ADCY2: variants seen among roughly 807,000 people sequenced by gnomAD.
ADCY2 encodes adenylate cyclase 2.
Under a neutral mutation model 125.2 loss-of-function variants are expected in ADCY2, and 31 were observed. The observed-to-expected ratio is 0.25, with a 90% CI of 0.19 to 0.33. The LOEUF is 0.33. Among genes scored for constraint, ADCY2 ranks in the 10% least tolerant of loss-of-function variants. ADCY2 has a pLI of 1.00. For synonymous variants in ADCY2, 512 were observed against 548.4 expected, an observed-to-expected ratio of 0.93 and a Z score of 0.93; for missense variants, 904 against 1,418.2, an observed-to-expected ratio of 0.64 and a Z score of 5.82.
chr5:7,714,822 A>G (rs1487270535), intron 11 of ADCY2, among the ~76,000 whole-genome samples: 1 of 152,158 alleles, frequency 6.6e-6, no homozygotes, highest in Non-Finnish European at 1.5e-5. Context: ...GCCTCATAAT[A>G]CCTGTCTGAG....
chr5:7,524,400 C>T (rs913640917), intron 3 of ADCY2, among the ~76,000 whole-genome samples: 24 of 152,152 alleles, frequency 1.6e-4, no homozygotes, highest in African/African-American at 5.8e-4. Context: ...AAGACACCTG[C>T]AAACACTGGG....
chr5:7,565,825 G>A (rs943620749), intron 3 of ADCY2, among the ~76,000 whole-genome samples: 2 of 152,128 alleles, frequency 1.3e-5, no homozygotes, highest in Non-Finnish European at 2.9e-5. Flanking sequence ...ACGATTAACA[G>A]CCCTTAGAAT....
At chr5:7,793,525 G>C (rs1169335482) in intron 20 of ADCY2, 1 of 152,294 alleles carries the variant, frequency 6.6e-6, no homozygotes, top group African/African-American at 2.4e-5. Context: ...GTGTAAAGCC[G>C]AGTAGTGGGG....
chr5:7,489,207 C>A (rs1743062670), intron 2 of ADCY2, among the ~76,000 whole-genome samples: 1 of 152,172 alleles, frequency 6.6e-6, no homozygotes, highest in African/African-American at 2.4e-5. Flanking sequence ...TCTCTGAGAC[C>A]TGTTAGCAGA....
At position 7,769,060 on chromosome 5, in the gene ADCY2, C is replaced by T. The variant is rs149489032; in HGVS notation, c.2214+2254C>T. On this transcript the variant is annotated intron_variant, in intron 17 of 24. Transcript: ENST00000338316. Reference sequence around the variant, plus strand: ...TGAAGTTGACCAGCAAGCTGAGAAGCATGCCCAGTTCACTGCTGGTGGTGG... The same window carrying T: ...TGAAGTTGACCAGCAAGCTGAGAAGTATGCCCAGTTCACTGCTGGTGGTGG... Among the ~76,000 whole-genome samples the T allele has an allele frequency of 2.5e-3, 380 of 152,316 alleles. 1 individual carries two copies. The highest frequency in any genetic ancestry group is 8.9e-3 in the African/African-American group (371 of 41,584).
rs774906597 is a variant in ADCY2, at chr5:7,626,238, C to T, written c.642C>T (p.Leu214=). 46 of 1,614,130 alleles carry T rather than the reference C, an allele frequency of 2.8e-5. 1 individual carries two copies. The South Asian group carries it at 4.0e-4, about 14-fold the overall frequency. ...AGAYHKHLME[L]ALQQTYQDTC... Reference sequence around the variant, plus strand: ...CCTACCATAAGCACCTCATGGAACTCGCTCTTCAGCAAACATATCAGGACA... The same window carrying T: ...CCTACCATAAGCACCTCATGGAACTTGCTCTTCAGCAAACATATCAGGACA... Residue 214 remains leucine, a synonymous_variant, in exon 4 of 25, where the codon CTC becomes CTT. Transcript: ENST00000338316.
rs55992716 is a variant in ADCY2 at position 7,642,105 on chromosome 5, C to T, written c.720+15789C>T. 1.8e-4 allele frequency among the ~76,000 whole-genome samples: 27 copies of T among 152,254 alleles called. No individual in the cohort carries two copies. In the East Asian group the frequency reaches 4.1e-3, roughly 23 times the overall value. On this transcript the variant is annotated intron_variant, in intron 4 of 24. Transcript: ENST00000338316. The stretch of plus-strand genomic sequence containing the variant: ...AGTTCTTCAGGAAATTTCCACATGG[C>T]CTTCCACAGTGGCTGAACTAATTTA...
Position 7,707,746 on chromosome 5 carries a change from G to A in ADCY2, c.1309G>A (p.Gly437Ser), listed in dbSNP as rs142609557. 1.2e-6 allele frequency: 2 copies of A among 1,613,944 alleles called. No individual in the cohort carries two copies. The highest frequency in any genetic ancestry group is 1.7e-6 in the Non-Finnish European group (2 of 1,179,996). ...TTCTGTCACCCTGGAGCACTTGAAT[G>A]GCGCTTATAAAGTGGAGGAGGGAGA... Reference protein sequence around the residue: ...ISSVTLEHLNGAYKVEEGDGD... With the variant: ...ISSVTLEHLNSAYKVEEGDGD... Residue 437 changes from glycine (G) to serine (S), a missense_variant, in exon 9 of 25, where the codon GGC (glycine) becomes AGC (serine). By Grantham distance (56) the Gly-to-Ser change is moderately conservative. This residue lies in a region of ADCY2 where 144 missense variants were observed against 227.7 expected (regional missense o/e 0.63). Transcript: ENST00000338316.
chr5:7,494,261 G>A (rs889221323), intron 2 of ADCY2, among the ~76,000 whole-genome samples: 20 of 151,990 alleles, frequency 1.3e-4, no homozygotes, highest in Non-Finnish European at 2.6e-4. Context: ...TCACCAGGGC[G>A]GATAATCTTA....
intron 4 of ADCY2, among the ~76,000 whole-genome samples, chr5:7,628,707 A>G (rs896183360): frequency 3.9e-5 from 6 of 152,162 alleles, no homozygotes; most frequent in Non-Finnish European, 7.4e-5. Context: ...GTCTACTCCT[A>G]GAATGCAGTA....
chr5:7,499,673 A>ATG (rs1452802082), intron 2 of ADCY2, among the ~76,000 whole-genome samples: 6 of 116,380 alleles, frequency 5.2e-5, no homozygotes, highest in Middle Eastern at 4.2e-3. Flanking sequence ...ATATATATAT[A>ATG]TATATATATG....
At chr5:7,513,736 C>T (rs1461489527) in intron 2 of ADCY2, among the ~76,000 whole-genome samples, 2 of 152,102 alleles carry the variant, frequency 1.3e-5, no homozygotes, top group African/African-American at 2.4e-5. Context: ...AACTATATTG[C>T]GGTACTATTG....
At chr5:7,480,712 T>C (rs1245012363) in intron 2 of ADCY2, among the ~76,000 whole-genome samples, 1 of 151,516 alleles carries the variant, frequency 6.6e-6, no homozygotes, top group Non-Finnish European at 1.5e-5. Context: ...GACACAAGTT[T>C]ACCTATATAA....
chr5:7,500,656 A>G (rs567081714), intron 2 of ADCY2, among the ~76,000 whole-genome samples: 1 of 152,346 alleles, frequency 6.6e-6, no homozygotes, highest in South Asian at 2.1e-4. Context: ...TCCCAACTGT[A>G]AAGGTCATCA....
At chr5:7,564,406 C>T (rs1434952356) in intron 3 of ADCY2, among the ~76,000 whole-genome samples, 1 of 152,160 alleles carries the variant, frequency 6.6e-6, no homozygotes, top group Non-Finnish European at 1.5e-5. Flanking sequence ...TAACCATGGC[C>T]TACTACAGGG....
intron 2 of ADCY2, among the ~76,000 whole-genome samples, chr5:7,487,925 G>C (rs1473872645): frequency 6.6e-6 from 1 of 152,150 alleles, no homozygotes; most frequent in Non-Finnish European, 1.5e-5. Flanking sequence ...GCTCTGAGTG[G>C]TGTAGGTGAA....
chr5:7,825,017 G>A (rs542291754), intron 24 of ADCY2, among the ~76,000 whole-genome samples: 1 of 152,180 alleles, frequency 6.6e-6, no homozygotes, highest in East Asian at 1.9e-4. Flanking sequence ...TAACACCCCT[G>A]TGTGCCATAA....
intron 16 of ADCY2, 90 bp downstream of exon 16, chr5:7,757,676 C>T (rs1395468835): frequency 6.6e-7 from 1 of 1,525,126 alleles, no homozygotes; most frequent in African/African-American, 1.4e-5. Context: ...CAGCCGTGTT[C>T]AACATGGTAA....
At chr5:7,713,535 T>G (rs1741506192) in intron 11 of ADCY2, among the ~76,000 whole-genome samples, 1 of 151,594 alleles carries the variant, frequency 6.6e-6, no homozygotes, top group Admixed American at 6.6e-5. Context: ...CACTTTTCTG[T>G]TGAATTCTAA....
Sources: allele counts gnomAD v4.1 joint callset (sites outside exome capture counted in the v4.1 genomes callset), GRCh38; gene constraint gnomAD v4.1.1; regional missense constraint gnomAD v4.1.1; transcripts MANE v1.5; gene names NCBI Gene and HGNC (gene_info 2026-07-23, HGNC 2026-07-21).